SYNPR: variants seen among roughly 807,000 people sequenced by gnomAD.
The protein encoded by SYNPR is synaptoporin.
SYNPR carries 23 observed loss-of-function variants against 32.9 expected under a neutral mutation model. That is an observed-to-expected ratio of 0.70 (90% CI 0.50 to 0.99). The LOEUF is 0.99. Ranked by LOEUF, SYNPR falls within the 50% of genes least tolerant of loss-of-function variation. The probability of loss-of-function intolerance (pLI) is 0.00; values close to 1 mark genes in which losing one functional copy is unlikely to be tolerated. For synonymous variants in SYNPR, 146 were observed against 135.9 expected (o/e 1.07, Z -0.52); for missense variants, 318 against 349.3 (o/e 0.91, Z 0.71).
upstream of SYNPR, among the ~76,000 whole-genome samples, chr3:63,227,996 A>C (rs1161445590): frequency 1.3e-5 from 2 of 152,188 alleles, no homozygotes; most frequent in African/African-American, 2.4e-5. Flanking sequence ...CACAGGAAGA[A>C]GTTTGGATTT....
rs539041835 is a variant in SYNPR, at chr3:63,327,082, C to G, written c.84+48340C>G. 9.9e-5 allele frequency among the ~76,000 whole-genome samples: 15 copies of G among 151,686 alleles called. No individual in the cohort carries two copies. The South Asian group carries it at 1.5e-3, about 15-fold the overall frequency. On this transcript the variant is annotated intron_variant, in intron 2 of 5. Transcript: ENST00000478300. ...TTAGTGACTAGATATATATTAATTA[C>G]TAACTATGTAAAAGTTGCAATCATT...
At chr3:63,563,324 AG>A (rs767403749) in intron 4 of SYNPR, among the ~76,000 whole-genome samples, 2 of 152,212 alleles carry the variant, frequency 1.3e-5, no homozygotes, top group Non-Finnish European at 2.9e-5. Flanking sequence ...AAACAAAATA[AG>A]GTTTCTTGTT....
intron 4 of SYNPR, among the ~76,000 whole-genome samples, chr3:63,583,595 G>A (rs931825020): frequency 1.8e-4 from 28 of 151,960 alleles, no homozygotes; most frequent in Non-Finnish European, 1.5e-4. Context: ...GGTGCCAGTT[G>A]GCATATTTTT....
At chr3:63,354,130 C>T (rs900728522) in intron 2 of SYNPR, among the ~76,000 whole-genome samples, 1 of 152,160 alleles carries the variant, frequency 6.6e-6, no homozygotes, top group Non-Finnish European at 1.5e-5. Flanking sequence ...TTATAGAGTA[C>T]ATTCATTAGT....
At chr3:63,553,182 C>T (rs1318760456) in intron 3 of SYNPR, among the ~76,000 whole-genome samples, 1 of 152,180 alleles carries the variant, frequency 6.6e-6, no homozygotes, top group Non-Finnish European at 1.5e-5. Context: ...TAAGCAAGAA[C>T]ATGCATATTT....
chr3:63,476,388 A>AGAAGGAAG (rs1156752919), intron 2 of SYNPR, among the ~76,000 whole-genome samples: 1 of 108,578 alleles, frequency 9.2e-6, no homozygotes, highest in Admixed American at 9.0e-5. Context: ...GAGGGAGAGA[A>AGAAGGAAG]GAAGGAAGGA....
intron 2 of SYNPR, among the ~76,000 whole-genome samples, chr3:63,329,378 T>C (rs1436637551): frequency 1.3e-5 from 2 of 152,108 alleles, no homozygotes; most frequent in Admixed American, 6.6e-5. Flanking sequence ...CACAGCTGTT[T>C]AGTGGTTGAG....
At chr3:63,368,313 C>A (rs2087752222) in intron 2 of SYNPR, among the ~76,000 whole-genome samples, 1 of 152,088 alleles carries the variant, frequency 6.6e-6, no homozygotes, top group South Asian at 2.1e-4. Context: ...TAATGCCAGG[C>A]TTTGAGCTGA....
At chr3:63,210,688 C>A in the SYNPR span, among the ~76,000 whole-genome samples, 59,938 of 152,010 alleles carry the variant, frequency 0.39, 12,966 homozygotes, top group Middle Eastern at 0.51. Context: ...CACCTGGTAA[C>A]TGTTAAACAA....
intron 2 of SYNPR, among the ~76,000 whole-genome samples, chr3:63,448,781 A>G (rs986135777): frequency 6.6e-6 from 1 of 152,220 alleles, no homozygotes. Flanking sequence ...CCAGAACTAA[A>G]TGCCTTCATT....
chr3:63,384,033 CTG>C (rs2107073049), intron 2 of SYNPR, among the ~76,000 whole-genome samples: 1 of 152,354 alleles, frequency 6.6e-6, no homozygotes, highest in Admixed American at 6.5e-5. Flanking sequence ...AATGACATCT[CTG>C]TATCAATATG....
At chr3:63,443,086 C>T in intron 2 of SYNPR, 1 of 1,073,136 alleles carries the variant, frequency 9.3e-7, no homozygotes, top group African/African-American at 1.6e-5. Flanking sequence ...CAAAGCAGTC[C>T]TGCACTTCCA....
chr3:63,356,748 T>C (rs192884777), intron 2 of SYNPR, among the ~76,000 whole-genome samples: 21 of 152,358 alleles, frequency 1.4e-4, no homozygotes, highest in Admixed American at 1.0e-3. Flanking sequence ...TTAATGTTTA[T>C]TGAATGTGAA....
At chr3:63,257,253 A>C (rs2086392688) in intron 2 of SYNPR, among the ~76,000 whole-genome samples, 1 of 152,214 alleles carries the variant, frequency 6.6e-6, no homozygotes, top group Admixed American at 6.5e-5. Context: ...AGTAACTCCA[A>C]GACACATAAT....
intron 2 of SYNPR, among the ~76,000 whole-genome samples, chr3:63,359,778 T>A (rs1223932210): frequency 2.0e-5 from 3 of 152,174 alleles, no homozygotes; most frequent in Admixed American, 1.3e-4. Flanking sequence ...TTTCCTAACA[T>A]CTCTGAACCT....
chr3:63,438,586 A>G (rs1212145638), intron 2 of SYNPR, among the ~76,000 whole-genome samples: 1 of 152,204 alleles, frequency 6.6e-6, no homozygotes, highest in Non-Finnish European at 1.5e-5. Context: ...AGTATTTGAA[A>G]AAGAATAGAG....
At chr3:63,410,860 G>A (rs2088455554) in intron 2 of SYNPR, among the ~76,000 whole-genome samples, 1 of 152,152 alleles carries the variant, frequency 6.6e-6, no homozygotes, top group Non-Finnish European at 1.5e-5. Flanking sequence ...GTTGGGTTGA[G>A]TGCCTGACTT....
At chr3:63,600,782 C>T (rs1442197540) in intron 4 of SYNPR, among the ~76,000 whole-genome samples, 2 of 152,182 alleles carry the variant, frequency 1.3e-5, no homozygotes, top group African/African-American at 4.8e-5. Flanking sequence ...TTTCTTGAGG[C>T]CTCCCCAGCA....
chr3:63,451,788 A>G (rs78838068), intron 2 of SYNPR, among the ~76,000 whole-genome samples: 2,474 of 152,228 alleles, frequency 0.016, 100 homozygotes, highest in East Asian at 0.13. Flanking sequence ...AGCCCCCACT[A>G]TAGGATATTC....
Sources: allele counts gnomAD v4.1 joint callset (sites outside exome capture counted in the v4.1 genomes callset), GRCh38; gene constraint gnomAD v4.1.1; transcripts MANE v1.5; gene names NCBI Gene and HGNC (gene_info 2026-07-23, HGNC 2026-07-21).